Variants in DNMT3L observed in about 807,000 individuals in gnomAD.
DNMT3L encodes the protein DNA (cytosine-5)-methyltransferase 3-like.
DNMT3L carries 33 observed loss-of-function variants against 36.2 expected under a neutral mutation model. The observed-to-expected ratio is 0.91, with a 90% confidence interval of 0.69 to 1.22. The LOEUF is 1.22. Among genes scored for constraint, DNMT3L ranks in the 50% most tolerant of loss-of-function variants. The pLI is 0.00. For synonymous variants in DNMT3L, 117 were observed against 121.7 expected (o/e 0.96, Z 0.26); for missense variants, 310 against 303.1 (o/e 1.02, Z -0.17).
intron 6 of DNMT3L, among the ~76,000 whole-genome samples, chr21:44,257,575 G>T (rs575227418): frequency 6.7e-6 from 1 of 149,200 alleles, no homozygotes. Context: ...CAGCTACTTG[G>T]GAGGCTGAGG....
rs1568916825 is a variant in DNMT3L, at chr21:44,258,687, A to G, written c.352T>C (p.Cys118Arg). The change falls in exon 6 of 12, where the codon TGC becomes CGC. Residue 118 changes from cysteine (C) to arginine (R), a missense_variant. Transcript: ENST00000628202. This position sits in a 1 kb window ranked among gnomAD's most constrained non-coding sequence, Gnocchi z 6.2. ...ACCAGGCTATCCACACACTCGAAGC[A>G]GTAGCATCTAAGGCCAGACAGAAAA... ...CGNPDCTRCY[C>R]FECVDSLVGP... The G allele has an allele frequency of 1.2e-6, 2 of 1,612,512 alleles. No individual in the cohort carries two copies. The highest frequency in any genetic ancestry group is 1.1e-5 in the South Asian group (1 of 91,054).
intron 8 of DNMT3L, 38 bp downstream of exon 8, chr21:44,254,579 T>C: frequency 6.2e-7 from 1 of 1,606,684 alleles, no homozygotes; most frequent in Non-Finnish European, 8.5e-7. Context: ...GCACCCCCGC[T>C]CCCACTACAG....
rs1302000491 is a variant in DNMT3L, at chr21:44,258,636, G to A, written c.403C>T (p.His135Tyr). 1.2e-6 allele frequency: 2 copies of A among 1,612,862 alleles called. No individual in the cohort carries two copies. The highest frequency in any genetic ancestry group is 1.7e-5 in the Admixed American group (1 of 60,012). The change falls in exon 6 of 12, where the codon CAC (histidine) becomes TAC (tyrosine). Residue 135 changes from histidine (H) to tyrosine (Y), a missense_variant. Physicochemically the swap from His to Tyr is moderately conservative, Grantham distance 83 (BLOSUM62 2). Coordinates refer to ENST00000628202, the MANE Select transcript of DNMT3L (RefSeq NM_175867.3). The surrounding 1 kb of genome is among the most constrained non-coding windows in gnomAD (Gnocchi z 6.2). ...TAGCACACCCAGTTGCTCATGGCGT[G>A]CACCTTCCCCGAGGTCCCGGGGCCG... ...LVGPGTSGKV[H>Y]AMSNWVCYLC...
chr21:44,257,706 A>AAG (rs2040275272), intron 6 of DNMT3L, among the ~76,000 whole-genome samples: 1 of 93,244 alleles, frequency 1.1e-5, no homozygotes, highest in African/African-American at 7.3e-5. Flanking sequence ...ATAAATAAAT[A>AAG]AATAAATAAA....
At chr21:44,255,464 G>A (rs1225893280) in intron 7 of DNMT3L, among the ~76,000 whole-genome samples, 1 of 150,502 alleles carries the variant, frequency 6.6e-6, no homozygotes, top group East Asian at 2.0e-4. Context: ...GAGGTGCAGC[G>A]AGCCGAGATC....
Position 44,258,759 on chromosome 21 carries a change from G to A in DNMT3L, c.345-65C>T. On this transcript the variant is annotated intron_variant, in intron 5 of 11. Coordinates refer to ENST00000628202, the MANE Select transcript of DNMT3L (RefSeq NM_175867.3). The surrounding 1 kb of genome is among the most constrained non-coding windows in gnomAD (Gnocchi z 6.2). Reference sequence around the variant, plus strand: ...CCCACCTCTCCTGAGGATGGCAGAGGTGGGCCTGATTGAGCCTTGTTTTGG... The same window carrying A: ...CCCACCTCTCCTGAGGATGGCAGAGATGGGCCTGATTGAGCCTTGTTTTGG... 1.3e-6 allele frequency: 2 copies of A among 1,563,516 alleles called. No homozygotes were observed. The highest frequency in any genetic ancestry group is 1.7e-6 in the Non-Finnish European group (2 of 1,151,700).
intron 6 of DNMT3L, among the ~76,000 whole-genome samples, chr21:44,257,489 G>A (rs1369690904): frequency 2.6e-5 from 4 of 151,928 alleles, no homozygotes; most frequent in African/African-American, 4.8e-5. Context: ...AGACCATCCC[G>A]GCTAAAACTG....
intron 6 of DNMT3L, among the ~76,000 whole-genome samples, chr21:44,257,410 G>A (rs1014184158): frequency 1.8e-4 from 28 of 151,734 alleles, no homozygotes; most frequent in Admixed American, 1.0e-3. Context: ...AGGCCGGTGC[G>A]GTGGCTCACG....
intron 8 of DNMT3L, among the ~76,000 whole-genome samples, chr21:44,254,404 C>T (rs570254751): frequency 1.4e-4 from 21 of 152,350 alleles, no homozygotes; most frequent in African/African-American, 5.1e-4. Flanking sequence ...CCCTCCGCTG[C>T]GGGGCATCAC....
intron 5 of DNMT3L, 25 bp downstream of exon 5, chr21:44,259,412 C>A: frequency 1.2e-6 from 2 of 1,611,798 alleles, no homozygotes; most frequent in Non-Finnish European, 1.7e-6. Flanking sequence ...CCCCTTCACC[C>A]CCCTGGGCAG....
At chr21:44,260,747 T>C (rs1157926035) in intron 3 of DNMT3L, 48 bp downstream of exon 3, 5 of 1,612,146 alleles carry the variant, frequency 3.1e-6, no homozygotes, top group African/African-American at 1.3e-5. Context: ...TGTGAGCCAC[T>C]GTGCCCCGTC....
chr21:44,256,680 G>T (rs571388004), intron 6 of DNMT3L, among the ~76,000 whole-genome samples: 87 of 152,200 alleles, frequency 5.7e-4, no homozygotes, highest in Middle Eastern at 3.4e-3. Flanking sequence ...GGAGAAGAGA[G>T]CCCCAAGGCC....
intron 6 of DNMT3L, 40 bp from the exon 7 acceptor site, chr21:44,256,194 A>G (rs1214377009): frequency 3.1e-6 from 5 of 1,603,618 alleles, no homozygotes; most frequent in East Asian, 4.5e-5. Flanking sequence ...TGTGCCGGCT[A>G]CTTGGCTACA....
intron 3 of DNMT3L, among the ~76,000 whole-genome samples, chr21:44,260,516 TATC>T (rs998109416): frequency 6.6e-6 from 1 of 152,144 alleles, no homozygotes; most frequent in Non-Finnish European, 1.5e-5. Context: ...GCAGTGGTGT[TATC>T]ATAGCTCACT....
chr21:44,261,611 G>C lies in DNMT3L; in HGVS notation c.-8+129C>G, dbSNP rs568785977. On this transcript the variant is annotated intron_variant, in intron 1 of 11. Coordinates refer to ENST00000628202, the MANE Select transcript of DNMT3L (RefSeq NM_175867.3). ...CTGCTTTCCTCTGGGCCCAGCCTTC[G>C]ACCCCTCAGGGACTCCCATGCCCCA... The C allele has an allele frequency of 9.3e-4, 228 of 246,246 alleles. 1 individual carries two copies. Among genetic ancestry groups the C allele is most frequent in the South Asian group, 2.1e-3 (38 of 18,204 alleles). The allele number at this position is 246,246 out of a possible 1,614,324, so 15.3% of individuals were successfully genotyped here. A position where few individuals can be genotyped will look rare whatever the true frequency, so the allele number is the denominator to read the frequency against.
intron 3 of DNMT3L, 50 bp downstream of exon 3, chr21:44,260,745 A>G (rs2040309971): frequency 6.2e-7 from 1 of 1,611,602 alleles, no homozygotes; most frequent in African/African-American, 1.3e-5. Flanking sequence ...GGTGTGAGCC[A>G]CTGTGCCCCG....
chr21:44,253,741 C>G (rs967383417), intron 8 of DNMT3L, among the ~76,000 whole-genome samples: 1 of 151,958 alleles, frequency 6.6e-6, no homozygotes, highest in Non-Finnish European at 1.5e-5. Context: ...CAAAAAAGCC[C>G]CCCAAAACTT....
At chr21:44,257,777 G>C (rs548214056) in intron 6 of DNMT3L, among the ~76,000 whole-genome samples, 2 of 152,330 alleles carry the variant, frequency 1.3e-5, no homozygotes, top group South Asian at 4.1e-4. Flanking sequence ...CAGCTCAGGA[G>C]GCCAGAGGTT....
chr21:44,254,739 T>C, intron 7 of DNMT3L, 34 bp from the exon 8 acceptor site: 1 of 1,610,990 alleles, frequency 6.2e-7, no homozygotes, highest in African/African-American at 1.3e-5. Context: ...GCCCAGAGGG[T>C]GAGCGTGGAT....
Sources: gnomAD v4.1 joint callset for allele counts (sites outside exome capture counted in the v4.1 genomes callset) on GRCh38, gnomAD v4.1.1 for gene constraint, Gnocchi (gnomAD v3.1) non-coding constraint, MANE v1.5 for transcripts, NCBI Gene and HGNC (gene_info 2026-07-23, HGNC 2026-07-21) for gene names.